Variants in ARAP2 observed in about 807,000 individuals in gnomAD.
ARAP2 encodes the protein arf-GAP with Rho-GAP domain, ANK repeat and PH domain-containing protein 2.
Under a neutral mutation model 194.5 loss-of-function variants are expected in ARAP2, and 148 were observed. That is an observed-to-expected ratio of 0.76 (90% CI 0.67 to 0.87). The LOEUF is 0.87. ARAP2 is among the 40% of genes least tolerant of loss of function. ARAP2 has a pLI of 0.00. For missense variants in ARAP2, 2,128 were observed against 1,989.7 expected (o/e 1.07, Z -1.32); for synonymous variants, 695 against 683.5 (o/e 1.02, Z -0.26).
intron 6 of ARAP2, chr4:36,209,477 T>C: frequency 2.7e-6 from 1 of 376,578 alleles, no homozygotes. Flanking sequence ...TTTCGGGGTG[T>C]TTTGCTATCT....
intron 9 of ARAP2, among the ~76,000 whole-genome samples, chr4:36,171,820 A>T (rs545011538): frequency 3.9e-5 from 6 of 152,226 alleles, no homozygotes; most frequent in Non-Finnish European, 5.9e-5. Context: ...ATTACAAAAA[A>T]AAAGTCCTGT....
intron 6 of ARAP2, among the ~76,000 whole-genome samples, chr4:36,204,207 C>T (rs1745047605): frequency 6.6e-6 from 1 of 152,020 alleles, no homozygotes; most frequent in Admixed American, 6.6e-5. Flanking sequence ...AGAAAATCTC[C>T]AAGAACTGAA....
At chr4:36,116,983 GA>G in intron 25 of ARAP2, 77 bp downstream of exon 25, 1 of 955,058 alleles carries the variant, frequency 1.0e-6, no homozygotes, top group Non-Finnish European at 1.4e-6. Flanking sequence ...TATAATAATG[GA>G]AAATTCAAAA....
At chr4:36,058,593 A>AT (rs1471835480) in intron 1 of ARAP2, among the ~76,000 whole-genome samples, 2 of 151,922 alleles carry the variant, frequency 1.3e-5, no homozygotes, top group South Asian at 2.1e-4. Context: ...TTTTGTTTTT[A>AT]TTTTTTATTT....
At chr4:36,081,087 C>A (rs1729421689) in intron 30 of ARAP2, among the ~76,000 whole-genome samples, 1 of 152,036 alleles carries the variant, frequency 6.6e-6, no homozygotes, top group South Asian at 2.1e-4. Context: ...AATGAAATTT[C>A]TAAAAAATCT....
At chr4:36,206,328 C>G (rs930577736) in intron 6 of ARAP2, among the ~76,000 whole-genome samples, 1 of 152,172 alleles carries the variant, frequency 6.6e-6, no homozygotes, top group African/African-American at 2.4e-5. Flanking sequence ...TTTTCACTTT[C>G]CCTAGTTACC....
At chr4:36,205,831 A>G (rs1398920821) in intron 6 of ARAP2, among the ~76,000 whole-genome samples, 2 of 152,206 alleles carry the variant, frequency 1.3e-5, no homozygotes, top group African/African-American at 4.8e-5. Flanking sequence ...TAACCAGGTA[A>G]TTTTATGGAG....
chr4:36,124,222 A>T (rs1387486312), intron 22 of ARAP2, among the ~76,000 whole-genome samples: 1 of 151,866 alleles, frequency 6.6e-6, no homozygotes, highest in Non-Finnish European at 1.5e-5. Context: ...TTTACTCAAG[A>T]GAGTATTTCA....
At chr4:36,195,638 T>C (rs1023630875) in intron 6 of ARAP2, among the ~76,000 whole-genome samples, 7 of 152,202 alleles carry the variant, frequency 4.6e-5, no homozygotes, top group Non-Finnish European at 7.3e-5. Flanking sequence ...CTGTGGGGGA[T>C]AGAGCCCTTA....
chr4:36,120,217 A>G (rs1018431979), intron 23 of ARAP2, among the ~76,000 whole-genome samples: 1 of 151,564 alleles, frequency 6.6e-6, no homozygotes, highest in Non-Finnish European at 1.5e-5. Flanking sequence ...GATTATTGCA[A>G]AGAAGTTGCT....
intron 6 of ARAP2, 141 bp downstream of exon 6, chr4:36,210,249 G>C (rs1746450304): frequency 1.4e-6 from 1 of 702,138 alleles, no homozygotes. Context: ...AAAGTGTGCT[G>C]AAAGTCCCTA....
At chr4:36,128,337 G>A (rs1277213220) in intron 21 of ARAP2, among the ~76,000 whole-genome samples, 196 bp downstream of exon 21, 1 of 151,896 alleles carries the variant, frequency 6.6e-6, no homozygotes, top group Non-Finnish European at 1.5e-5. Flanking sequence ...TCTTGAGGTA[G>A]AGAGAAACAG....
At chr4:36,099,062 A>C in intron 27 of ARAP2, among the ~76,000 whole-genome samples, 5 of 144,902 alleles carry the variant, frequency 3.5e-5, no homozygotes, top group South Asian at 4.7e-4. Context: ...TCCCCTCCCC[A>C]TGGACAGGCC....
At chr4:36,116,531 C>T (rs1348206021) in intron 25 of ARAP2, among the ~76,000 whole-genome samples, 1 of 151,832 alleles carries the variant, frequency 6.6e-6, no homozygotes, top group Non-Finnish European at 1.5e-5. Context: ...ATATCCCAGA[C>T]TTATATTCAA....
In ARAP2 at chr4:36,095,497, C is replaced by G. The variant is rs549205879; in HGVS notation, c.4286-3477G>C. Among the ~76,000 whole-genome samples, 19 of 152,054 alleles carry G rather than the reference C, an allele frequency of 1.2e-4. 1 individual carries two copies. The highest frequency in any genetic ancestry group is 4.6e-4 in the African/African-American group (19 of 41,492). Reference sequence around the variant, plus strand: ...AAGACTAGCAGAAATAAATACAAAGCAAAACCAAAAAGCACAATACACTTT... The same window carrying G: ...AAGACTAGCAGAAATAAATACAAAGGAAAACCAAAAAGCACAATACACTTT... On this transcript the variant is annotated intron_variant, in intron 27 of 32. Transcript: ENST00000303965.
At chr4:36,209,334 T>C (rs1200796939) in intron 6 of ARAP2, 1 of 447,356 alleles carries the variant, frequency 2.2e-6, no homozygotes, top group Non-Finnish European at 4.5e-6. Context: ...GGTTTTGTCA[T>C]CATAATGTAA....
chr4:36,151,115 C>T lies in ARAP2; in HGVS notation c.2753-71G>A, dbSNP rs942497719. ...ATCCAATTTTAAAAACAAAAACATA[C>T]TTCTAAATAATGGCTGGATGCAAGT... On this transcript the variant is annotated intron_variant, in intron 15 of 32. Transcript: ENST00000303965. The T allele has an allele frequency of 5.1e-5, 68 of 1,331,688 alleles. No homozygotes were observed. The African/African-American group carries it at 9.2e-4, about 18-fold the overall frequency. 82.5% of individuals were successfully genotyped at this position (1,331,688 alleles called of 1,614,324 possible).
intron 27 of ARAP2, among the ~76,000 whole-genome samples, chr4:36,104,072 A>T (rs942026961): frequency 6.6e-6 from 1 of 151,926 alleles, no homozygotes; most frequent in African/African-American, 2.4e-5. Flanking sequence ...ATTTGTGGCA[A>T]TTAGGTATCT....
Position 36,147,479 on chromosome 4 carries a change from T to C in ARAP2, c.3199+69A>G. The C allele has an allele frequency of 1.3e-6, 2 of 1,574,630 alleles. No individual in the cohort carries two copies. Among genetic ancestry groups the C allele is most frequent in the Admixed American group, 3.5e-5 (2 of 56,904 alleles). On this transcript the variant is annotated intron_variant, in intron 18 of 32. Transcript: ENST00000303965. ...TGGGAGTAAGCCATCAAGATCTTAC[T>C]AAAGGCTATCACTATTGTATGCAAT...
Sources: allele counts gnomAD v4.1 joint callset (sites outside exome capture counted in the v4.1 genomes callset), GRCh38; gene constraint gnomAD v4.1.1; transcripts MANE v1.5; gene names NCBI Gene and HGNC (gene_info 2026-07-23, HGNC 2026-07-21).